The following CACNA1H variants were observed in gnomAD, a reference collection of about 807,000 sequenced individuals.
The protein encoded by CACNA1H is calcium voltage-gated channel subunit alpha1 H.
CACNA1H carries 149 observed loss-of-function variants against 192.5 expected under a neutral mutation model. That is an observed-to-expected ratio of 0.77 (90% confidence interval 0.68 to 0.89). CACNA1H has a LOEUF of 0.89. Among genes scored for constraint, CACNA1H ranks in the 40% least tolerant of loss-of-function variants. The pLI, the probability that CACNA1H is intolerant of heterozygous loss-of-function variation, is 0.00. For missense variants in CACNA1H, 4,257 were observed against 3,423.5 expected (o/e 1.24, Z -6.08); for synonymous variants, 2,202 against 1,475.2 (o/e 1.49, Z -11.29).
At chr16:1,170,183 A>G (rs1013853288) in intron 2 of CACNA1H, among the ~76,000 whole-genome samples, 1 of 151,862 alleles carries the variant, frequency 6.6e-6, no homozygotes, top group African/African-American at 2.4e-5. Flanking sequence ...ACCCCAGCCC[A>G]CCCGGGTGTG....
At position 1,153,995 on chromosome 16, in the gene CACNA1H, C is replaced by A; in HGVS notation, c.258C>A (p.Thr86=). 1 of 1,432,012 alleles carries A rather than the reference C, an allele frequency of 7.0e-7. No individual in the cohort carries two copies. The highest frequency in any genetic ancestry group is 1.4e-5 in the South Asian group (1 of 73,210). The allele number at this position is 1,432,012 out of a possible 1,614,324, so 88.7% of individuals were successfully genotyped here. A position where few individuals can be genotyped will look rare whatever the true frequency, so the allele number is the denominator to read the frequency against. The change falls in exon 2 of 35, where the codon ACC becomes ACA. Residue 86 remains threonine, a synonymous_variant. Transcript: ENST00000348261. ...AATVFFCLGQ[T]TRPRSWCLRL... ...CGGTCTTCTTCTGCCTCGGTCAGAC[C>A]ACGCGGCCGCGCAGCTGGTGCCTCC...
intron 17 of CACNA1H, 77 bp downstream of exon 17, chr16:1,209,489 A>T: frequency 1.3e-6 from 2 of 1,548,646 alleles, no homozygotes; most frequent in East Asian, 4.6e-5. Flanking sequence ...GGGGTTTGAG[A>T]TGGGATTCAG....
chr16:1,215,175 G>A (rs1969906895), intron 28 of CACNA1H, 67 bp from the exon 29 acceptor site: 2 of 1,580,216 alleles, frequency 1.3e-6, no homozygotes, highest in South Asian at 2.3e-5. Context: ...ACGGAGGTCT[G>A]CAGAAGCAAC....
chr16:1,221,440 G>C lies in CACNA1H; in HGVS notation c.*446G>C. Reference sequence around the variant, plus strand: ...AATGTCACCTTCACTCACAGTCTGAGTTCTTGTCCGCCTGTCACGCCCTCA... The same window carrying C: ...AATGTCACCTTCACTCACAGTCTGACTTCTTGTCCGCCTGTCACGCCCTCA... On this transcript the variant is annotated 3_prime_UTR_variant, in exon 35 of 35. Transcript: ENST00000348261. The C allele has an allele frequency of 3.0e-6, 1 of 327,996 alleles. No homozygotes were observed. Among genetic ancestry groups the C allele is most frequent in the East Asian group, 6.4e-5 (1 of 15,592 alleles). The allele number at this position is 327,996 out of a possible 1,614,324, so 20.3% of individuals were successfully genotyped here.
At chr16:1,209,516 A>T (rs1306802413) in intron 17 of CACNA1H, 104 bp downstream of exon 17, 8 of 1,410,434 alleles carry the variant, frequency 5.7e-6, no homozygotes, top group South Asian at 2.6e-5. Flanking sequence ...TTGTTGACTG[A>T]GGGGATTCAG....
chr16:1,175,878 C>G (rs530163280), intron 2 of CACNA1H, among the ~76,000 whole-genome samples: 1 of 152,154 alleles, frequency 6.6e-6, no homozygotes, highest in Non-Finnish European at 1.5e-5. Flanking sequence ...TCGGGCAGAC[C>G]TTGGGCTGCC....
In CACNA1H at chr16:1,201,816, T is replaced by G; in HGVS notation, c.1366T>G (p.Cys456Gly). Reference sequence around the variant, plus strand: ...GGCCAGCTTCTCCGAGCCTGGCAGCTGCTACGAAGAGCTGCTGAAGTACGT... The same window carrying G: ...GGCCAGCTTCTCCGAGCCTGGCAGCGGCTACGAAGAGCTGCTGAAGTACGT... ...TLASFSEPGS[C>G]YEELLKYVGH... Residue 456 changes from cysteine to glycine, a missense_variant, in exon 9 of 35, where the codon TGC (cysteine) becomes GGC (glycine). By Grantham distance (159) the Cys-to-Gly change is radical. Coordinates refer to ENST00000348261, the MANE Select transcript of CACNA1H (RefSeq NM_021098.3). 1 of 1,585,010 alleles carries G rather than the reference T, an allele frequency of 6.3e-7. No homozygotes were observed. Among genetic ancestry groups the G allele is most frequent in the Non-Finnish European group, 8.6e-7 (1 of 1,166,586 alleles).
At chr16:1,189,557 G>A (rs7500121) in intron 2 of CACNA1H, among the ~76,000 whole-genome samples, 150,323 of 151,512 alleles carry the variant, frequency 0.99, 74,579 homozygotes, top group East Asian at 1. Context: ...AGCTGCCACC[G>A]CACCCCAAAA....
Position 1,221,078 on chromosome 16 carries a change from G to T in CACNA1H, c.*84G>T, listed in dbSNP as rs1221651701. The T allele has an allele frequency of 7.4e-6, 8 of 1,076,576 alleles. No individual in the cohort carries two copies. The highest frequency in any genetic ancestry group is 1.1e-5 in the Non-Finnish European group (8 of 760,768). 66.7% of individuals were successfully genotyped at this position (1,076,576 alleles called of 1,614,324 possible). ...GGAGGCCCAGGCAGAACCCTGCATG[G>T]ACCCTGACTTGGGTCCCGTCGTGAG... On this transcript the variant is annotated 3_prime_UTR_variant, in exon 35 of 35. Coordinates refer to ENST00000348261, the MANE Select transcript of CACNA1H (RefSeq NM_021098.3).
intron 2 of CACNA1H, among the ~76,000 whole-genome samples, chr16:1,168,557 G>A (rs1451087331): frequency 1.3e-5 from 2 of 152,156 alleles, no homozygotes; most frequent in East Asian, 3.9e-4. Flanking sequence ...GGGCTCCCTG[G>A]AGGTGGTGAC....
intron 2 of CACNA1H, among the ~76,000 whole-genome samples, chr16:1,168,688 C>T (rs1386074854): frequency 6.6e-6 from 1 of 152,116 alleles, no homozygotes; most frequent in Non-Finnish European, 1.5e-5. Flanking sequence ...TGCTGGGCCC[C>T]ACTCATTGCC....
chr16:1,207,222 T>C, intron 13 of CACNA1H, 53 bp from the exon 14 acceptor site: 4 of 1,561,578 alleles, frequency 2.6e-6, no homozygotes, highest in Middle Eastern at 1.7e-4. Context: ...CCCAAGGACT[T>C]GCCGGCATTT....
intron 2 of CACNA1H, among the ~76,000 whole-genome samples, chr16:1,177,428 C>T (rs937774077): frequency 6.6e-5 from 10 of 152,224 alleles, no homozygotes; most frequent in African/African-American, 1.9e-4. Flanking sequence ...ACCCTGCCGT[C>T]GCCCCGGAGT....
At chr16:1,164,338 T>G (rs1302389472) in intron 2 of CACNA1H, among the ~76,000 whole-genome samples, 10 of 152,132 alleles carry the variant, frequency 6.6e-5, no homozygotes, top group Non-Finnish European at 1.5e-4. Flanking sequence ...GTACTGTTTT[T>G]TCTTTTCTTT....
intron 3 of CACNA1H, 33 bp downstream of exon 3, chr16:1,195,116 G>A (rs374989989): frequency 2.6e-5 from 35 of 1,368,860 alleles, no homozygotes; most frequent in Admixed American, 6.8e-5. Flanking sequence ...GGGAAGGAGC[G>A]TGGGTCGCTA....
chr16:1,196,512 C>T (rs1296249814), intron 5 of CACNA1H, among the ~76,000 whole-genome samples: 1 of 152,190 alleles, frequency 6.6e-6, no homozygotes, highest in Non-Finnish European at 1.5e-5. Context: ...TCGCTCTCCC[C>T]ACCCGCCACT....
chr16:1,179,223 G>T (rs917909754), intron 2 of CACNA1H, among the ~76,000 whole-genome samples: 1 of 152,072 alleles, frequency 6.6e-6, no homozygotes. Flanking sequence ...CGGGACTGGT[G>T]GAAGGGGTGT....
At chr16:1,188,808 C>T (rs555150940) in intron 2 of CACNA1H, among the ~76,000 whole-genome samples, 1 of 152,324 alleles carries the variant, frequency 6.6e-6, no homozygotes, top group South Asian at 2.1e-4. Flanking sequence ...GGATGTGTCC[C>T]CCCACACCTA....
intron 2 of CACNA1H, among the ~76,000 whole-genome samples, chr16:1,161,180 CTGG>C (rs1963152922): frequency 6.6e-6 from 1 of 152,230 alleles, no homozygotes; most frequent in African/African-American, 2.4e-5. Context: ...CCCTGGGCTG[CTGG>C]TGGTGTGGGT....
Sources: gnomAD v4.1 joint callset for allele counts (sites outside exome capture counted in the v4.1 genomes callset) on GRCh38, gnomAD v4.1.1 for gene constraint, MANE v1.5 for transcripts, NCBI Gene and HGNC (gene_info 2026-07-23, HGNC 2026-07-21) for gene names.